Variants in SLC16A1 observed in about 807,000 individuals in gnomAD.
SLC16A1 encodes the protein solute carrier family 16 member 1.
Under a neutral mutation model 32.2 loss-of-function variants are expected in SLC16A1, and 11 were observed. That is an observed-to-expected ratio of 0.34 (90% CI 0.21 to 0.56). The LOEUF is 0.56. SLC16A1 is among the 20% of genes least tolerant of loss of function. SLC16A1 has a pLI of 0.87. For synonymous variants in SLC16A1, 231 were observed against 226.8 expected, an observed-to-expected ratio of 1.02 and a Z score of -0.17; for missense variants, 435 against 615.0, an observed-to-expected ratio of 0.71 and a Z score of 3.10.
intron 1 of SLC16A1, among the ~76,000 whole-genome samples, chr1:112,944,883 G>A (rs888404589): frequency 2.6e-5 from 4 of 151,962 alleles, no homozygotes; most frequent in Admixed American, 1.3e-4. Context: ...AGTAGACATG[G>A]GGTTTCACCG....
intron 3 of SLC16A1, among the ~76,000 whole-genome samples, 177 bp from the exon 4 acceptor site, chr1:112,918,221 T>C (rs1648589993): frequency 6.6e-6 from 1 of 152,204 alleles, no homozygotes; most frequent in African/African-American, 2.4e-5. Context: ...TCAGTATCAG[T>C]GCTTACTGGT....
At chr1:112,921,753 T>G (rs897535181) in intron 3 of SLC16A1, among the ~76,000 whole-genome samples, 1 of 152,228 alleles carries the variant, frequency 6.6e-6, no homozygotes. Flanking sequence ...GGACAAGGAA[T>G]GCAATCATTC....
chr1:112,946,195 C>T (rs904895862), intron 1 of SLC16A1, among the ~76,000 whole-genome samples: 1 of 152,090 alleles, frequency 6.6e-6, no homozygotes, highest in African/African-American at 2.4e-5. Flanking sequence ...CACAGTGTAA[C>T]AAAGGGTTAT....
intron 2 of SLC16A1, chr1:112,923,357 G>C (rs897229964): frequency 1.3e-4 from 69 of 535,690 alleles, no homozygotes; most frequent in African/African-American, 1.3e-3. Context: ...GCCAACTCCA[G>C]GGAGCTGATG....
At chr1:112,943,787 CAAAAAAAAA>C (rs60946516) in intron 1 of SLC16A1, among the ~76,000 whole-genome samples, 2 of 49,496 alleles carry the variant, frequency 4.0e-5, no homozygotes, top group Non-Finnish European at 5.3e-5. Flanking sequence ...GACTCCATCT[CAAAAAAAAA>C]AAAAAAAAAA....
At chr1:112,920,472 A>G (rs1489749358) in intron 3 of SLC16A1, among the ~76,000 whole-genome samples, 1 of 152,042 alleles carries the variant, frequency 6.6e-6, no homozygotes, top group African/African-American at 2.4e-5. Context: ...TGGGTGTGGT[A>G]GCGGGCGCCT....
At chr1:112,939,824 G>A (rs1201215909) in intron 1 of SLC16A1, among the ~76,000 whole-genome samples, 2 of 151,990 alleles carry the variant, frequency 1.3e-5, no homozygotes, top group African/African-American at 4.8e-5. Context: ...TTTTTAAAAT[G>A]AGTTATGTAT....
In SLC16A1 at chr1:112,913,640, A is replaced by G. The variant is rs1648397315; in HGVS notation, c.*251T>C. On this transcript the variant is annotated 3_prime_UTR_variant, in exon 5 of 5. Transcript: ENST00000369626. ...TATTATAATCTTTATGACACTATTA[A>G]AAGCTAAGATTAAAACAAAACAAAA... 1 of 536,568 alleles carries G rather than the reference A, an allele frequency of 1.9e-6. No homozygotes were observed. Among genetic ancestry groups the G allele is most frequent in the Non-Finnish European group, 3.4e-6 (1 of 298,376 alleles). The allele number at this position is 536,568 out of a possible 1,614,324, so 33.2% of individuals were successfully genotyped here.
intron 1 of SLC16A1, among the ~76,000 whole-genome samples, chr1:112,939,305 T>C (rs1335860929): frequency 6.6e-5 from 10 of 152,206 alleles, no homozygotes; most frequent in Admixed American, 6.5e-4. Flanking sequence ...GTAGCTGTTA[T>C]GCAAAACAAT....
chr1:112,929,771 T>C (rs531035803), intron 1 of SLC16A1, among the ~76,000 whole-genome samples: 9 of 152,248 alleles, frequency 5.9e-5, no homozygotes, highest in Middle Eastern at 3.4e-3. Context: ...CACTTGAACC[T>C]GGGAGGTAGT....
At chr1:112,947,378 T>C (rs1245257130) in intron 1 of SLC16A1, among the ~76,000 whole-genome samples, 2 of 152,200 alleles carry the variant, frequency 1.3e-5, no homozygotes, top group Non-Finnish European at 2.9e-5. Flanking sequence ...ATATTAATAA[T>C]AGATGGTATT....
intron 1 of SLC16A1, among the ~76,000 whole-genome samples, chr1:112,937,220 G>A (rs537269610): frequency 1.4e-4 from 22 of 152,280 alleles, no homozygotes; most frequent in Non-Finnish European, 1.2e-4. Flanking sequence ...CAGCTAATAC[G>A]TGCTGGACGT....
At chr1:112,949,407 TAC>T (rs2101652595) in intron 1 of SLC16A1, among the ~76,000 whole-genome samples, 1 of 152,298 alleles carries the variant, frequency 6.6e-6, no homozygotes, top group African/African-American at 2.4e-5. Flanking sequence ...TGTTAGCATA[TAC>T]ACAAACATTT....
chr1:112,936,470 G>A (rs1649308537), intron 1 of SLC16A1, among the ~76,000 whole-genome samples: 2 of 110,850 alleles, frequency 1.8e-5, no homozygotes, highest in South Asian at 6.2e-4. Flanking sequence ...GACACAGCAT[G>A]ACTCTGTCTC....
At chr1:112,947,525 C>G (rs371670439) in intron 1 of SLC16A1, among the ~76,000 whole-genome samples, 4 of 152,188 alleles carry the variant, frequency 2.6e-5, no homozygotes, top group African/African-American at 9.6e-5. Flanking sequence ...ACTATTCACT[C>G]ACAGAAATAA....
chr1:112,932,574 C>T (rs568792923), intron 1 of SLC16A1, among the ~76,000 whole-genome samples: 8 of 151,890 alleles, frequency 5.3e-5, no homozygotes, highest in African/African-American at 1.4e-4. Context: ...GAGGCTGAGG[C>T]GGGCGGATCA....
At chr1:112,923,648 GTGGC>G in intron 2 of SLC16A1, 2 of 1,465,646 alleles carry the variant, frequency 1.4e-6, no homozygotes, top group Non-Finnish European at 1.9e-6. Flanking sequence ...CGTCACTGAA[GTGGC>G]TGCAGTGTCC....
intron 2 of SLC16A1, chr1:112,924,185 T>A (rs980919345): frequency 1.3e-4 from 192 of 1,505,400 alleles, no homozygotes; most frequent in Non-Finnish European, 3.5e-5. Flanking sequence ...AGCTGCAGGG[T>A]GCCCACGGGG....
chr1:112,951,742 C>A (rs2101654694), intron 1 of SLC16A1, among the ~76,000 whole-genome samples: 1 of 152,184 alleles, frequency 6.6e-6, no homozygotes, highest in South Asian at 2.1e-4. Flanking sequence ...ACTTTTACAA[C>A]TTAAAATAGT....
Sources: allele counts gnomAD v4.1 joint callset (sites outside exome capture counted in the v4.1 genomes callset), GRCh38; gene constraint gnomAD v4.1.1; transcripts MANE v1.5; gene names NCBI Gene and HGNC (gene_info 2026-07-23, HGNC 2026-07-21).